The following AGBL1 variants were observed in gnomAD, a reference collection of about 807,000 sequenced individuals.
AGBL1 encodes AGBL carboxypeptidase 1, also known as cytosolic carboxypeptidase 4.
Under a neutral mutation model 118.9 loss-of-function variants are expected in AGBL1, and 130 were observed. That is an observed-to-expected ratio of 1.09 (90% CI 0.95 to 1.26). The LOEUF is 1.26. Among genes scored for constraint, AGBL1 ranks in the 50% most tolerant of loss-of-function variants. The pLI is 0.00. For missense variants in AGBL1, 1,584 were observed against 1,298.1 expected, an observed-to-expected ratio of 1.22 and a Z score of -3.38; for synonymous variants, 555 against 478.9, an observed-to-expected ratio of 1.16 and a Z score of -2.08.
At chr15:86,830,518 T>A (rs939463755) in intron 22 of AGBL1, among the ~76,000 whole-genome samples, 1 of 152,112 alleles carries the variant, frequency 6.6e-6, no homozygotes, top group Non-Finnish European at 1.5e-5. Context: ...ATCCCTGTGT[T>A]GGTGCAATCA....
intron 5 of AGBL1, among the ~76,000 whole-genome samples, chr15:86,206,419 C>A (rs2039148207): frequency 6.6e-6 from 1 of 152,174 alleles, no homozygotes; most frequent in African/African-American, 2.4e-5. Flanking sequence ...AACTAGTTTA[C>A]ACTCCCACCA....
At chr15:86,668,162 C>T (rs1489070767) in intron 21 of AGBL1, among the ~76,000 whole-genome samples, 2 of 152,168 alleles carry the variant, frequency 1.3e-5, no homozygotes, top group Admixed American at 6.5e-5. Context: ...CCAAACACCT[C>T]CCACCAGACC....
chr15:86,598,985 A>G (rs1335292138), intron 21 of AGBL1, among the ~76,000 whole-genome samples: 3 of 152,086 alleles, frequency 2.0e-5, no homozygotes, highest in Non-Finnish European at 4.4e-5. Context: ...GAGAGTGTAT[A>G]ATATTCCAGC....
At chr15:87,005,741 G>A (rs944964633) in intron 24 of AGBL1, among the ~76,000 whole-genome samples, 8 of 152,140 alleles carry the variant, frequency 5.3e-5, no homozygotes, top group East Asian at 3.9e-4. Context: ...TGGTGAGGAG[G>A]TGCATTCCTT....
At chr15:86,612,181 G>A (rs1362459270) in intron 21 of AGBL1, among the ~76,000 whole-genome samples, 2 of 152,058 alleles carry the variant, frequency 1.3e-5, no homozygotes, top group African/African-American at 2.4e-5. Flanking sequence ...GACCCTAAGA[G>A]ATCTGCCTTT....
chr15:86,257,909 TA>T, intron 8 of AGBL1, 54 bp from the exon 9 acceptor site: 1 of 1,575,232 alleles, frequency 6.3e-7, no homozygotes, highest in Non-Finnish European at 8.7e-7. Context: ...ATCTAAATCC[TA>T]AATCCCGGGC....
intron 1 of AGBL1, among the ~76,000 whole-genome samples, chr15:86,087,657 G>A (rs552749306): frequency 6.6e-6 from 1 of 152,232 alleles, no homozygotes; most frequent in African/African-American, 2.4e-5. Flanking sequence ...ACAATCCTAA[G>A]GCAGTTAATA....
rs569424206 is a variant in AGBL1, at chr15:86,725,377, GGGGAGGTTTTCCA to G, written c.3158+50946_3158+50958del. On this transcript the variant is annotated intron_variant, in intron 22 of 22. Coordinates refer to ENST00000614907, the MANE Select transcript of AGBL1 (RefSeq NM_001386094.1). ...TGGTATAGATCTCTAGGATAGGGTA[GGGGAGGTTTTCCA>G]GGGAAAGGGATGGTTTAAAGGTAAG... Among the ~76,000 whole-genome samples the G allele has an allele frequency of 2.9e-4, 44 of 152,218 alleles. 1 individual carries two copies. In the East Asian group the frequency reaches 7.2e-3, roughly 25 times the overall value.
At chr15:86,641,446 A>T (rs1330908089) in intron 21 of AGBL1, among the ~76,000 whole-genome samples, 2 of 151,790 alleles carry the variant, frequency 1.3e-5, no homozygotes, top group Admixed American at 6.6e-5. Flanking sequence ...GTTACCTGGC[A>T]GCCCCCATGA....
chr15:86,220,139 A>G (rs1228806453), intron 5 of AGBL1, among the ~76,000 whole-genome samples: 1 of 151,822 alleles, frequency 6.6e-6, no homozygotes, highest in Non-Finnish European at 1.5e-5. Flanking sequence ...TTTTTAGTAG[A>G]GATGGGGTTT....
rs1028787717 is a variant in AGBL1 at position 86,771,406 on chromosome 15, C to T, written c.3158+96970C>T. On this transcript the variant is annotated intron_variant, in intron 22 of 22. Transcript: ENST00000614907. The stretch of plus-strand genomic sequence containing the variant: ...GAGTGAATCAGGGATCAAATGCTTG[C>T]TCTTTCCAATGCGCTTAATGGTATG... Among the ~76,000 whole-genome samples the T allele has an allele frequency of 2.0e-5, 3 of 151,996 alleles. No individual in the cohort carries two copies. In the East Asian group the frequency reaches 5.8e-4, roughly 29 times the overall value.
At chr15:86,840,589 G>T (rs1596539707) in intron 22 of AGBL1, among the ~76,000 whole-genome samples, 2 of 152,132 alleles carry the variant, frequency 1.3e-5, no homozygotes, top group South Asian at 4.1e-4. Flanking sequence ...GGGATTACAG[G>T]CGTGTACTAC....
intron 15 of AGBL1, among the ~76,000 whole-genome samples, chr15:86,273,798 G>T (rs970632527): frequency 2.6e-5 from 4 of 152,196 alleles, no homozygotes; most frequent in African/African-American, 7.2e-5. Context: ...GGTGCTCACT[G>T]TGGGGACAAC....
intron 5 of AGBL1, among the ~76,000 whole-genome samples, chr15:86,187,099 A>G (rs2077644226): frequency 6.6e-6 from 1 of 152,232 alleles, no homozygotes; most frequent in Non-Finnish European, 1.5e-5. Context: ...CATCCAAACT[A>G]TGCTGCAAAC....
chr15:86,621,440 C>T (rs974742537), intron 21 of AGBL1, among the ~76,000 whole-genome samples: 1 of 152,224 alleles, frequency 6.6e-6, no homozygotes, highest in Admixed American at 6.5e-5. Flanking sequence ...ACATTTCTTG[C>T]CTAGCTTCTG....
At chr15:86,898,857 A>T (rs2080170268) in intron 22 of AGBL1, among the ~76,000 whole-genome samples, 1 of 152,166 alleles carries the variant, frequency 6.6e-6, no homozygotes, top group Non-Finnish European at 1.5e-5. Context: ...CTCGCACCAG[A>T]CAGAATGGGT....
chr15:86,663,370 C>G (rs1186679104), intron 21 of AGBL1, among the ~76,000 whole-genome samples: 1 of 152,176 alleles, frequency 6.6e-6, no homozygotes, highest in East Asian at 1.9e-4. Flanking sequence ...TCCTTCTTCC[C>G]TCACTCTGTG....
chr15:86,215,224 C>CAT (rs2078167312), intron 5 of AGBL1, among the ~76,000 whole-genome samples: 1 of 114,404 alleles, frequency 8.7e-6, no homozygotes, highest in Non-Finnish European at 1.9e-5. Flanking sequence ...TATATGTATG[C>CAT]GTGTGTGTGT....
chr15:86,290,327 A>G (rs2079523556), intron 16 of AGBL1, among the ~76,000 whole-genome samples: 1 of 148,052 alleles, frequency 6.8e-6, no homozygotes, highest in Admixed American at 6.8e-5. Flanking sequence ...TGTGTCTTCA[A>G]GTCCTTCTTT....
Sources: allele counts gnomAD v4.1 joint callset (sites outside exome capture counted in the v4.1 genomes callset), GRCh38; gene constraint gnomAD v4.1.1; transcripts MANE v1.5; gene names NCBI Gene and HGNC (gene_info 2026-07-23, HGNC 2026-07-21).